PTK2B: variants seen among roughly 807,000 people sequenced by gnomAD.
The protein encoded by PTK2B is protein-tyrosine kinase 2-beta.
In PTK2B, 71 loss-of-function variants were observed where a neutral mutation model predicts 142.9. The observed-to-expected ratio is 0.50, with a 90% confidence interval of 0.41 to 0.61. PTK2B has a LOEUF of 0.61. PTK2B is among the 20% of genes least tolerant of loss of function. The pLI is 0.00. For synonymous variants in PTK2B, 519 were observed against 503.4 expected, an observed-to-expected ratio of 1.03 and a Z score of -0.42; for missense variants, 1,105 against 1,320.4, an observed-to-expected ratio of 0.84 and a Z score of 2.53.
At chr8:27,335,608 AAAAAAAGAG>A (rs1804009818) in intron 1 of PTK2B, among the ~76,000 whole-genome samples, 1 of 151,864 alleles carries the variant, frequency 6.6e-6, no homozygotes, top group Non-Finnish European at 1.5e-5. Flanking sequence ...AAAAAAAAAA[AAAAAAAGAG>A]AAAAGAAAAA....
intron 1 of PTK2B, among the ~76,000 whole-genome samples, chr8:27,334,716 TG>T (rs1330244827): frequency 1.3e-5 from 2 of 151,992 alleles, no homozygotes; most frequent in Non-Finnish European, 2.9e-5. Flanking sequence ...TCACACGGAG[TG>T]AGCCAGACAG....
chr8:27,434,367 C>A lies in PTK2B; in HGVS notation c.1146-146C>A, dbSNP rs568600135. The A allele has an allele frequency of 1.1e-4, 118 of 1,053,406 alleles. No homozygotes were observed. The African/African-American group carries it at 1.2e-3, about 10-fold the overall frequency. The allele number at this position is 1,053,406 out of a possible 1,614,324, so 65.3% of individuals were successfully genotyped here. On this transcript the variant is annotated intron_variant, in intron 12 of 30. Coordinates refer to ENST00000346049, the MANE Select transcript of PTK2B (RefSeq NM_173176.3). ...GCTGTCCCCCAACTCCAGCCCCCAG[C>A]AGCCTGGGCTGTGCTCCCAGGTCAT...
chr8:27,371,465 T>C (rs1316466277), intron 1 of PTK2B, among the ~76,000 whole-genome samples: 1 of 152,134 alleles, frequency 6.6e-6, no homozygotes, highest in Non-Finnish European at 1.5e-5. Context: ...TCTGTTACCT[T>C]GGGCTGGTTA....
At chr8:27,439,454 A>G (rs1811014721) in intron 20 of PTK2B, 56 bp downstream of exon 20, 1 of 1,539,280 alleles carries the variant, frequency 6.5e-7, no homozygotes, top group Non-Finnish European at 9.0e-7. Flanking sequence ...CTTCTGAACC[A>G]GGCTAAGGGG....
chr8:27,324,097 T>C (rs1390060663), upstream of PTK2B, among the ~76,000 whole-genome samples: 1 of 152,240 alleles, frequency 6.6e-6, no homozygotes, highest in Admixed American at 6.5e-5. Flanking sequence ...ACACCCACTG[T>C]CAGATGCCCT....
Position 27,422,373 on chromosome 8 carries a change from C to G in PTK2B, c.541C>G (p.Leu181Val). Residue 181 changes from leucine to valine, a missense_variant, in exon 5 of 31, where the codon CTG becomes GTG. Physicochemically the swap from Leu to Val is conservative, Grantham distance 32. Coordinates refer to ENST00000346049, the MANE Select transcript of PTK2B (RefSeq NM_173176.3). ...SEGMALQLGCLELRRFFKDMP... is the reference protein window; with the variant it reads ...SEGMALQLGCVELRRFFKDMP... ...GGGCATGGCCCTGCAGCTGGGCTGC[C>G]TGGAGCTCAGGTATGTGGCCCTGAG... The G allele has an allele frequency of 6.2e-7, 1 of 1,612,834 alleles. No individual in the cohort carries two copies. The highest frequency in any genetic ancestry group is 8.5e-7 in the Non-Finnish European group (1 of 1,179,262).
chr8:27,348,489 C>T (rs1410034517), intron 1 of PTK2B, among the ~76,000 whole-genome samples: 1 of 152,086 alleles, frequency 6.6e-6, no homozygotes, highest in Non-Finnish European at 1.5e-5. Flanking sequence ...ATCTTGATGC[C>T]GTCGCCTAGT....
At chr8:27,310,772 G>T (rs1325598809), upstream of PTK2B, 1 of 1,544,018 alleles carries the variant, frequency 6.5e-7, no homozygotes, top group South Asian at 1.2e-5. Context: ...GACCCGGCTC[G>T]GCCGCCTCGT....
chr8:27,413,876 A>G (rs1246019621), intron 2 of PTK2B, among the ~76,000 whole-genome samples: 6 of 152,088 alleles, frequency 3.9e-5, no homozygotes, highest in African/African-American at 1.4e-4. Flanking sequence ...TTTCTTCTAC[A>G]TTTATTTCTT....
In PTK2B at chr8:27,434,104, C is replaced by T. The variant is rs370030419; in HGVS notation, c.1117C>T (p.Arg373Trp). Residue 373 changes from arginine to tryptophan, a missense_variant, in exon 12 of 31, where the codon CGG (arginine) becomes TGG (tryptophan). By Grantham distance (101) the Arg-to-Trp change is moderately radical. Transcript: ENST00000346049. ...IIHPRKDGEK[R>W]NSLPQIPMLN... is the part of the protein sequence containing the mutation. Reference sequence around the variant, plus strand: ...TCCTCTCTTCCTAGATGGTGAGAAGCGGAACAGCCTGCCCCAGATCCCCAT... The same window carrying T: ...TCCTCTCTTCCTAGATGGTGAGAAGTGGAACAGCCTGCCCCAGATCCCCAT... 3.5e-5 allele frequency: 57 copies of T among 1,613,968 alleles called. No individual in the cohort carries two copies. Among genetic ancestry groups the T allele is most frequent in the African/African-American group, 5.3e-5 (4 of 74,904 alleles).
intron 4 of PTK2B, 136 bp downstream of exon 4, chr8:27,420,880 G>C: frequency 1.3e-6 from 1 of 789,722 alleles, no homozygotes; most frequent in Non-Finnish European, 2.0e-6. Flanking sequence ...TTCTCTTGAA[G>C]AAGGTCCTTG....
intron 1 of PTK2B, among the ~76,000 whole-genome samples, chr8:27,351,882 C>T (rs1340647677): frequency 6.6e-6 from 1 of 152,202 alleles, no homozygotes; most frequent in African/African-American, 2.4e-5. Flanking sequence ...CCCACGTAGC[C>T]CATCCACTGG....
chr8:27,450,856 G>A lies in PTK2B; in HGVS notation c.2448G>A (p.Val816=). 1.2e-6 allele frequency: 2 copies of A among 1,614,212 alleles called. No individual in the cohort carries two copies. Among genetic ancestry groups the A allele is most frequent in the Non-Finnish European group, 1.7e-6 (2 of 1,180,040 alleles). The change falls in exon 25 of 31, where the codon GTG becomes GTA. Residue 816 remains valine, a synonymous_variant. Coordinates refer to ENST00000346049, the MANE Select transcript of PTK2B (RefSeq NM_173176.3). ...QILDKQQKQM[V]EDYQWLRQEE... ...TGGACAAACAGCAGAAGCAGATGGT[G>A]GAGGACTACCAGTGGCTCAGGCAGG...
At chr8:27,386,252 A>T (rs896167739) in intron 1 of PTK2B, among the ~76,000 whole-genome samples, 6 of 152,192 alleles carry the variant, frequency 3.9e-5, no homozygotes, top group Non-Finnish European at 7.4e-5. Flanking sequence ...TACTATAAAT[A>T]GTACAGCTAG....
At chr8:27,396,792 G>A (rs958573160) in intron 1 of PTK2B, among the ~76,000 whole-genome samples, 1 of 152,230 alleles carries the variant, frequency 6.6e-6, no homozygotes, top group Non-Finnish European at 1.5e-5. Flanking sequence ...ATCTACATCT[G>A]TGTCAACCCA....
At position 27,425,064 on chromosome 8, in the gene PTK2B, T is replaced by C. The variant is rs191164863; in HGVS notation, c.551+2681T>C. On this transcript the variant is annotated intron_variant, in intron 5 of 30. Coordinates refer to ENST00000346049, the MANE Select transcript of PTK2B (RefSeq NM_173176.3). ...TGATAATAGTAACATTATAGTCACG[T>C]TGTGTTACTATAAAACACGTTATGT... 1.1e-3 allele frequency among the ~76,000 whole-genome samples: 155 copies of C among 142,416 alleles called. 1 individual carries two copies. The highest frequency in any genetic ancestry group is 4.0e-3 in the African/African-American group (150 of 37,212). The allele number at this position is 142,416 out of a possible 152,430, so 93.4% of individuals were successfully genotyped here. A position where few individuals can be genotyped will look rare whatever the true frequency, so the allele number is the denominator to read the frequency against.
chr8:27,316,691 T>C, intron 3 of PTK2B, among the ~76,000 whole-genome samples: 1 of 152,240 alleles, frequency 6.6e-6, no homozygotes, highest in East Asian at 1.9e-4. Context: ...CGATGTACCT[T>C]TACTGAGGCC....
intron 26 of PTK2B, 69 bp from the exon 27 acceptor site, chr8:27,451,416 T>C: frequency 6.2e-7 from 1 of 1,604,104 alleles, no homozygotes; most frequent in Non-Finnish European, 8.5e-7. Flanking sequence ...GGGGAATGGG[T>C]AACCAGGGAG....
intron 1 of PTK2B, among the ~76,000 whole-genome samples, chr8:27,338,768 T>C (rs140098921): frequency 1.3e-5 from 2 of 152,330 alleles, no homozygotes; most frequent in African/African-American, 2.4e-5. Context: ...GGCTTGGATA[T>C]AAACTTTCTC....
Sources: gnomAD v4.1 joint callset for allele counts (sites outside exome capture counted in the v4.1 genomes callset) on GRCh38, gnomAD v4.1.1 for gene constraint, MANE v1.5 for transcripts, NCBI Gene and HGNC (gene_info 2026-07-23, HGNC 2026-07-21) for gene names.